Variants in SWI5 observed in about 807,000 individuals in gnomAD.
SWI5 encodes the protein DNA repair protein SWI5 homolog.
Under a neutral mutation model 17.0 loss-of-function variants are expected in SWI5, and 12 were observed. That is an observed-to-expected ratio of 0.71 (90% confidence interval 0.45 to 1.14). The LOEUF (loss-of-function observed/expected upper bound fraction) is 1.14. Among genes scored for constraint, SWI5 ranks in the 50% most tolerant of loss-of-function variants. The probability of loss-of-function intolerance (pLI) is 0.00; values close to 1 mark genes in which losing one functional copy is unlikely to be tolerated. For missense variants in SWI5, 158 were observed against 162.2 expected (o/e 0.97, Z 0.14); for synonymous variants, 61 against 64.0 (o/e 0.95, Z 0.22).
At chr9:128,280,865 A>G (rs139645975) in intron 2 of SWI5, among the ~76,000 whole-genome samples, 2 of 151,934 alleles carry the variant, frequency 1.3e-5, no homozygotes, top group East Asian at 3.9e-4. Flanking sequence ...CCATTCACAC[A>G]CGTGGAAACC....
chr9:128,285,565 C>G lies in SWI5; in HGVS notation c.234-374C>G, dbSNP rs931730607. On this transcript the variant is annotated intron_variant, in intron 3 of 4. Transcript: ENST00000418976. The surrounding 1 kb of genome is among the most constrained non-coding windows in gnomAD (Gnocchi z 4.8). ...GAACGCCTCCTGGAGTTCCCCACAC[C>G]TCTTGTTCCAGCCACATGGCAGAGA... Among the ~76,000 whole-genome samples, 1 of 151,590 alleles carries G rather than the reference C, an allele frequency of 6.6e-6. No individual in the cohort carries two copies. The highest frequency in any genetic ancestry group is 2.0e-4 in the East Asian group (1 of 5,110).
Position 128,276,770 on chromosome 9 carries a change from C to G in SWI5, c.111+15C>G. On this transcript the variant is annotated intron_variant, in intron 2 of 4. Transcript: ENST00000418976. ...TCCGATCCCCTGTGAGTATTTCTTC[C>G]CCCACACCCCCTTTCCCATCCTCGA... 6.2e-7 allele frequency: 1 copy of G among 1,600,024 alleles called. No homozygotes were observed. The highest frequency in any genetic ancestry group is 1.1e-5 in the South Asian group (1 of 90,074).
At chr9:128,287,623 G>A (rs1299982422) in intron 4 of SWI5, among the ~76,000 whole-genome samples, 4 of 144,970 alleles carry the variant, frequency 2.8e-5, no homozygotes, top group Non-Finnish European at 6.0e-5. Context: ...GTGCAGTGGC[G>A]TGATCTCGGC....
At chr9:128,275,724 G>A (rs1831300454), upstream of SWI5, among the ~76,000 whole-genome samples, 1 of 152,188 alleles carries the variant, frequency 6.6e-6, no homozygotes, top group South Asian at 2.1e-4. Context: ...CGGGGGCTGG[G>A]CGGCTGAGGG....
exon 5 of SWI5, chr9:128,288,928 G>A (rs1016226614): frequency 1.2e-5 from 7 of 594,972 alleles, no homozygotes; most frequent in South Asian, 2.0e-5. Context: ...CTGAAATGTC[G>A]CAGTGATACT....
chr9:128,282,272 A>T (rs1351245397), intron 2 of SWI5, among the ~76,000 whole-genome samples: 2 of 152,100 alleles, frequency 1.3e-5, no homozygotes, highest in Admixed American at 1.3e-4. Context: ...CTGTAATCCC[A>T]GCTACTCAGG....
intron 2 of SWI5, among the ~76,000 whole-genome samples, chr9:128,280,697 T>A (rs1831521445): frequency 6.6e-6 from 1 of 151,992 alleles, no homozygotes; most frequent in Non-Finnish European, 1.5e-5. Context: ...TTTTGTATTT[T>A]TAGTAGAGAC....
At chr9:128,284,735 C>T (rs1390251554) in intron 3 of SWI5, 104 bp downstream of exon 3, 12 of 1,370,808 alleles carry the variant, frequency 8.8e-6, no homozygotes, top group African/African-American at 2.9e-5. Flanking sequence ...GTGGGTGGAT[C>T]ACTTGAGGTC....
At chr9:128,276,827 C>G in intron 2 of SWI5, 72 bp downstream of exon 2, 1 of 1,474,028 alleles carries the variant, frequency 6.8e-7, no homozygotes, top group Non-Finnish European at 9.3e-7. Flanking sequence ...CCCCACTCCC[C>G]ATCCCAACAG....
chr9:128,279,970 G>A (rs969561388), intron 2 of SWI5, among the ~76,000 whole-genome samples: 9 of 152,090 alleles, frequency 5.9e-5, no homozygotes, highest in African/African-American at 2.2e-4. Flanking sequence ...CCCTATACTT[G>A]CCGGTTATTC....
chr9:128,288,828 A>C, exon 5 of SWI5: 9 of 1,281,552 alleles, frequency 7.0e-6, no homozygotes, highest in Non-Finnish European at 1.0e-5. Context: ...ACAATGCCAG[A>C]AGCACTTTTC....
chr9:128,285,922 T>A lies in SWI5; in HGVS notation c.234-17T>A. 6.3e-7 allele frequency: 1 copy of A among 1,592,398 alleles called. No individual in the cohort carries two copies. Among genetic ancestry groups the A allele is most frequent in the Middle Eastern group, 1.7e-4 (1 of 6,024 alleles). On this transcript the variant is annotated splice_polypyrimidine_tract_variant and intron_variant, in intron 3 of 4. Coordinates refer to ENST00000418976, the Ensembl canonical transcript of SWI5. The surrounding 1 kb of genome is among the most constrained non-coding windows in gnomAD (Gnocchi z 4.8). ...TAACTGGGCTGTCTTTCCCCCTCTCTCCATCGCTTATCCCAGAGGCTACAG... is the reference window on the plus strand; with the variant it reads ...TAACTGGGCTGTCTTTCCCCCTCTCACCATCGCTTATCCCAGAGGCTACAG...
At chr9:128,288,942 G>GT in exon 5 of SWI5, 1 of 588,070 alleles carries the variant, frequency 1.7e-6, no homozygotes, top group South Asian at 2.0e-5. Context: ...TGATACTTGT[G>GT]TAGGGGTACA....
intron 4 of SWI5, among the ~76,000 whole-genome samples, chr9:128,288,127 G>A (rs959918836): frequency 6.6e-6 from 1 of 152,118 alleles, no homozygotes; most frequent in Non-Finnish European, 1.5e-5. Context: ...GGGTAAGATA[G>A]GTGTTCAGGG....
At chr9:128,281,227 A>T (rs1301794695) in intron 2 of SWI5, among the ~76,000 whole-genome samples, 1 of 151,534 alleles carries the variant, frequency 6.6e-6, no homozygotes, top group Non-Finnish European at 1.5e-5. Context: ...CAGTAGAGAC[A>T]GGGTTTCACT....
At chr9:128,276,234 G>T (rs895813380), upstream of SWI5, 1 of 1,612,250 alleles carries the variant, frequency 6.2e-7, no homozygotes, top group Non-Finnish European at 8.5e-7. Flanking sequence ...GAGAGGGGCG[G>T]GGCCGGCTTT....
chr9:128,275,945 G>A (rs775035848), upstream of SWI5: 2 of 1,595,636 alleles, frequency 1.3e-6, no homozygotes, highest in East Asian at 2.3e-5. Context: ...CGACATCGCG[G>A]GGCGGGGAGG....
At chr9:128,278,925 A>ACCAT (rs1311472907) in intron 2 of SWI5, among the ~76,000 whole-genome samples, 4 of 151,290 alleles carry the variant, frequency 2.6e-5, no homozygotes, top group African/African-American at 9.8e-5. Context: ...GGTGCCCGCC[A>ACCAT]CCATGCCCGG....
upstream of SWI5, chr9:128,276,003 A>C: frequency 6.3e-6 from 10 of 1,595,166 alleles, no homozygotes; most frequent in Non-Finnish European, 8.6e-6. Flanking sequence ...ACCACTGCGG[A>C]AGTCAGTCAG....
Sources: gnomAD v4.1 joint callset for allele counts (sites outside exome capture counted in the v4.1 genomes callset) on GRCh38, gnomAD v4.1.1 for gene constraint, Gnocchi (gnomAD v3.1) non-coding constraint, MANE v1.5 for transcripts, NCBI Gene and HGNC (gene_info 2026-07-23, HGNC 2026-07-21) for gene names.